Variants in CEMIP observed in about 807,000 individuals in gnomAD.
CEMIP encodes cell migration inducing hyaluronidase 1.
A neutral mutation model predicts 156.9 loss-of-function variants in CEMIP; 105 were observed. The observed-to-expected ratio is 0.67, with a 90% CI of 0.57 to 0.79. The LOEUF (loss-of-function observed/expected upper bound fraction) is 0.79, where lower values mean the gene tolerates loss of function less well. Ranked by LOEUF, CEMIP falls within the 30% of genes least tolerant of loss-of-function variation. The pLI is 0.00. For synonymous variants in CEMIP, 676 were observed against 668.4 expected (o/e 1.01, Z -0.17); for missense variants, 1,457 against 1,769.4 (o/e 0.82, Z 3.17).
intron 1 of CEMIP, among the ~76,000 whole-genome samples, chr15:80,818,684 A>T (rs1432301717): frequency 6.6e-6 from 1 of 152,192 alleles, no homozygotes; most frequent in Non-Finnish European, 1.5e-5. Flanking sequence ...CTGCAGACAG[A>T]CTGGAGAAGT....
chr15:80,917,733 C>T (rs2141914257), intron 14 of CEMIP, among the ~76,000 whole-genome samples: 1 of 152,338 alleles, frequency 6.6e-6, no homozygotes, highest in South Asian at 2.1e-4. Flanking sequence ...TGAGTGGACA[C>T]AGAAAACCAT....
intron 1 of CEMIP, among the ~76,000 whole-genome samples, chr15:80,813,719 G>C (rs754887919): frequency 6.6e-6 from 1 of 152,168 alleles, no homozygotes; most frequent in Non-Finnish European, 1.5e-5. Flanking sequence ...AAGGTCCAAT[G>C]GCAAGTGGAA....
At chr15:80,783,119 A>G (rs776059098) in intron 1 of CEMIP, among the ~76,000 whole-genome samples, 1 of 152,212 alleles carries the variant, frequency 6.6e-6, no homozygotes, top group Non-Finnish European at 1.5e-5. Flanking sequence ...GGTGAATTCA[A>G]TTATTCTCAT....
At chr15:80,847,200 C>A (rs1191381426) in intron 1 of CEMIP, among the ~76,000 whole-genome samples, 1 of 152,162 alleles carries the variant, frequency 6.6e-6, no homozygotes, top group Non-Finnish European at 1.5e-5. Context: ...AGGCATGCAC[C>A]ATCATGCCTG....
intron 1 of CEMIP, among the ~76,000 whole-genome samples, chr15:80,833,276 C>T (rs1441326120): frequency 6.6e-6 from 1 of 152,154 alleles, no homozygotes; most frequent in Non-Finnish European, 1.5e-5. Context: ...GTAGACAGGG[C>T]ATGGGCCCTC....
chr15:80,944,121 T>C, intron 28 of CEMIP, among the ~76,000 whole-genome samples: 1 of 151,740 alleles, frequency 6.6e-6, no homozygotes, highest in East Asian at 1.9e-4. Flanking sequence ...CTACTAAAAG[T>C]ACAAAAAAAT....
intron 1 of CEMIP, among the ~76,000 whole-genome samples, chr15:80,798,209 A>AT (rs1315483069): frequency 6.6e-6 from 1 of 152,066 alleles, no homozygotes; most frequent in Non-Finnish European, 1.5e-5. Context: ...TTTGATGAAT[A>AT]TTTTTCTAGT....
chr15:80,908,960 G>A, intron 13 of CEMIP, 137 bp from the exon 14 acceptor site: 1 of 849,994 alleles, frequency 1.2e-6, no homozygotes, highest in Non-Finnish European at 2.0e-6. Flanking sequence ...CATTTGCAGA[G>A]AATATCTTTG....
chr15:80,895,241 T>G, intron 11 of CEMIP, 119 bp downstream of exon 11: 1 of 1,358,050 alleles, frequency 7.4e-7, no homozygotes, highest in Non-Finnish European at 1.0e-6. Flanking sequence ...AGAGCACTTT[T>G]GTGACACGGG....
At chr15:80,835,201 T>G (rs574849296) in intron 1 of CEMIP, among the ~76,000 whole-genome samples, 81 of 152,298 alleles carry the variant, frequency 5.3e-4, no homozygotes, top group African/African-American at 1.9e-3. Flanking sequence ...GCCCTCCTTC[T>G]TCCTATCTTA....
At chr15:80,863,504 T>G (rs1898038029) in intron 1 of CEMIP, among the ~76,000 whole-genome samples, 1 of 152,122 alleles carries the variant, frequency 6.6e-6, no homozygotes, top group African/African-American at 2.4e-5. Context: ...TGAGATAAGT[T>G]TAAAGAAGGG....
chr15:80,824,900 C>T (rs190356980), intron 1 of CEMIP, among the ~76,000 whole-genome samples: 32 of 152,284 alleles, frequency 2.1e-4, no homozygotes, highest in Admixed American at 1.9e-3. Flanking sequence ...AAAGTGATCT[C>T]GCAGGGCCTG....
At chr15:80,915,162 T>G (rs1428410874) in intron 14 of CEMIP, among the ~76,000 whole-genome samples, 3 of 152,248 alleles carry the variant, frequency 2.0e-5, no homozygotes, top group Admixed American at 6.5e-5. Context: ...TTCAGAATCT[T>G]GTGGCCTCTA....
chr15:80,852,106 T>C (rs1175976369), intron 1 of CEMIP, among the ~76,000 whole-genome samples: 1 of 152,164 alleles, frequency 6.6e-6, no homozygotes, highest in African/African-American at 2.4e-5. Flanking sequence ...GAGTGCTTGA[T>C]TGAGAGTTCA....
At chr15:80,818,154 A>T (rs946724242) in intron 1 of CEMIP, among the ~76,000 whole-genome samples, 1 of 152,146 alleles carries the variant, frequency 6.6e-6, no homozygotes, top group Non-Finnish European at 1.5e-5. Context: ...TGTATTTCTC[A>T]CTCATGTTCA....
At chr15:80,786,814 A>G (rs900432211) in intron 1 of CEMIP, among the ~76,000 whole-genome samples, 18 of 152,116 alleles carry the variant, frequency 1.2e-4, no homozygotes, top group Non-Finnish European at 1.8e-4. Context: ...CTTATTTACA[A>G]CCTGGTCTGT....
intron 16 of CEMIP, among the ~76,000 whole-genome samples, chr15:80,921,537 C>T (rs1242234029): frequency 6.6e-6 from 1 of 152,128 alleles, no homozygotes; most frequent in Non-Finnish European, 1.5e-5. Context: ...CAGGGGCACA[C>T]GTAGCTGGGA....
chr15:80,819,143 C>T (rs888766638), intron 1 of CEMIP, among the ~76,000 whole-genome samples: 1 of 152,216 alleles, frequency 6.6e-6, no homozygotes, highest in South Asian at 2.1e-4. Context: ...TGTTAAATAA[C>T]TCACCCAGCT....
intron 1 of CEMIP, among the ~76,000 whole-genome samples, chr15:80,869,061 A>G (rs1392232271): frequency 6.6e-6 from 1 of 152,082 alleles, no homozygotes; most frequent in African/African-American, 2.4e-5. Context: ...GCTTCTTCTG[A>G]AGCCTCTCTC....
Sources: gnomAD v4.1 joint callset for allele counts (sites outside exome capture counted in the v4.1 genomes callset) on GRCh38, gnomAD v4.1.1 for gene constraint, MANE v1.5 for transcripts, NCBI Gene and HGNC (gene_info 2026-07-23, HGNC 2026-07-21) for gene names.